The following NISCH variants were observed in gnomAD, a reference collection of about 807,000 sequenced individuals.
NISCH encodes nischarin.
In NISCH, 55 loss-of-function variants were observed where a neutral mutation model predicts 138.4. The observed-to-expected ratio is 0.40, with a 90% CI of 0.32 to 0.50. NISCH has a LOEUF of 0.50. Among genes scored for constraint, NISCH ranks in the 20% least tolerant of loss-of-function variants. The pLI is 0.71. For synonymous variants in NISCH, 860 were observed against 861.5 expected (o/e 1.00, Z 0.03); for missense variants, 1,643 against 2,005.5 (o/e 0.82, Z 3.45).
Position 52,488,595 on chromosome 3 carries a change from C to G in NISCH, c.3103C>G (p.Arg1035Gly). Residue 1035 changes from arginine (R) to glycine (G), a missense_variant, in exon 16 of 21, where the codon CGC becomes GGC. Arg to Gly is a moderately radical substitution (Grantham distance 125, BLOSUM62 -2). Coordinates refer to ENST00000345716, the MANE Select transcript of NISCH (RefSeq NM_007184.4). ...GSFADGQPAE[R>G]RASNDQRPQE... ...CTTTGCGGATGGCCAGCCTGCCGAG[C>G]GCAGGGCCAGGTGAGATCAAGCACA... The G allele has an allele frequency of 6.2e-7, 1 of 1,609,604 alleles. No individual in the cohort carries two copies. Among genetic ancestry groups the G allele is most frequent in the South Asian group, 1.1e-5 (1 of 90,742 alleles).
intron 14 of NISCH, 140 bp downstream of exon 14, chr3:52,484,777 G>A (rs2153231632): frequency 3.6e-6 from 3 of 843,726 alleles, no homozygotes; most frequent in Admixed American, 4.7e-5. Flanking sequence ...TTGTGCCACG[G>A]TCTTTCTCTT....
chr3:52,470,783 ATAG>A, intron 3 of NISCH, 73 bp from the exon 4 acceptor site: 1 of 1,180,476 alleles, frequency 8.5e-7, no homozygotes, highest in Non-Finnish European at 1.3e-6. Flanking sequence ...AACAGAGGGG[ATAG>A]ATAGCGGGGA....
chr3:52,456,162 C>T (rs557124247), intron 1 of NISCH, among the ~76,000 whole-genome samples: 3 of 152,168 alleles, frequency 2.0e-5, no homozygotes, highest in Non-Finnish European at 4.4e-5. Flanking sequence ...AAGGGTCAGG[C>T]TTCGCAGGCC....
At chr3:52,471,568 C>A (rs1366110226) in intron 4 of NISCH, 1 of 574,224 alleles carries the variant, frequency 1.7e-6, no homozygotes. Context: ...CCTCACTCCT[C>A]CCTCAGTGGC....
intron 3 of NISCH, among the ~76,000 whole-genome samples, chr3:52,468,835 C>T (rs1338502484): frequency 6.6e-6 from 1 of 151,496 alleles, no homozygotes; most frequent in Non-Finnish European, 1.5e-5. Context: ...TTTAAAGAAC[C>T]AAAAGAAAAT....
chr3:52,479,739 G>A lies in NISCH; in HGVS notation c.1303-10G>A. The A allele has an allele frequency of 6.2e-7, 1 of 1,602,430 alleles. No individual in the cohort carries two copies. The highest frequency in any genetic ancestry group is 8.5e-7 in the Non-Finnish European group (1 of 1,173,246). On this transcript the variant is annotated splice_polypyrimidine_tract_variant and intron_variant, in intron 11 of 20. Coordinates refer to ENST00000345716, the MANE Select transcript of NISCH (RefSeq NM_007184.4). ...TCCCCATGCTGATAGCCACTTTCTGGATGCTCTAGGTCTGTCTGGATGACA... is the reference window on the plus strand; with the variant it reads ...TCCCCATGCTGATAGCCACTTTCTGAATGCTCTAGGTCTGTCTGGATGACA...
At chr3:52,467,793 T>C (rs952068539) in intron 3 of NISCH, among the ~76,000 whole-genome samples, 2 of 152,260 alleles carry the variant, frequency 1.3e-5, no homozygotes, top group African/African-American at 4.8e-5. Flanking sequence ...GAAGGTGATT[T>C]CATTTTTCTT....
chr3:52,455,689 C>A lies in NISCH; in HGVS notation c.48C>A (p.Ala16=). 1 of 1,365,080 alleles carries A rather than the reference C, an allele frequency of 7.3e-7. No homozygotes were observed. The highest frequency in any genetic ancestry group is 2.1e-5 in the South Asian group (1 of 48,130). The allele number at this position is 1,365,080 out of a possible 1,614,324, so 84.6% of individuals were successfully genotyped here. ...TFGPEREAEP[A]KEARVVGSEL... ...GGCCCGAGCGGGAAGCCGAGCCGGC[C>A]AAGGAAGCGCGCGTCGTGGGCTCGG... Residue 16 remains alanine, a synonymous_variant, in exon 1 of 21, where the codon GCC becomes GCA. Transcript: ENST00000345716.
In NISCH at chr3:52,473,732, A is replaced by G; in HGVS notation, c.670-2A>G. The G allele has an allele frequency of 6.3e-7, 1 of 1,585,074 alleles. No homozygotes were observed. Among genetic ancestry groups the G allele is most frequent in the Non-Finnish European group, 8.6e-7 (1 of 1,156,814 alleles). On this transcript the variant is annotated splice_acceptor_variant, in intron 6 of 20. Transcript: ENST00000345716. LOFTEE classifies it high-confidence loss of function. The stretch of plus-strand genomic sequence containing the variant: ...CTGAGATGCAGCTGTTCTTTGTTCC[A>G]GATAAGTCACTGTGATGCTAAGCAC...
chr3:52,472,641 C>T (rs1026016752), intron 6 of NISCH, among the ~76,000 whole-genome samples: 3 of 152,220 alleles, frequency 2.0e-5, no homozygotes, highest in Non-Finnish European at 4.4e-5. Flanking sequence ...CAGGGTGGAG[C>T]ACCAGCACCT....
chr3:52,485,257 T>G (rs1707375224), intron 14 of NISCH, among the ~76,000 whole-genome samples: 1 of 152,204 alleles, frequency 6.6e-6, no homozygotes, highest in Admixed American at 6.5e-5. Flanking sequence ...CACAAGGTTA[T>G]GGCCTTGTGA....
intron 15 of NISCH, chr3:52,486,677 A>G (rs1707409681): frequency 6.5e-6 from 1 of 154,402 alleles, no homozygotes; most frequent in Non-Finnish European, 1.4e-5. Context: ...ATAAATCCCA[A>G]AATGTGTACT....
intron 3 of NISCH, among the ~76,000 whole-genome samples, chr3:52,465,381 C>T (rs1298076904): frequency 1.3e-5 from 2 of 152,174 alleles, no homozygotes; most frequent in Admixed American, 6.5e-5. Context: ...CCACCCACCT[C>T]GGCCTCCCAA....
intron 13 of NISCH, chr3:52,480,683 C>T: frequency 7.0e-7 from 1 of 1,422,230 alleles, no homozygotes; most frequent in Non-Finnish European, 9.1e-7. Flanking sequence ...ACTTTACTGT[C>T]TGGAGCCCGA....
In NISCH at chr3:52,481,954, T is replaced by C. The variant is rs190377938; in HGVS notation, c.1528+1659T>C. ...TCCTTTTGGTGAGAAACAGCAAAGA[T>C]CGGACCCCTAAGGACTCTCCTGATG... On this transcript the variant is annotated intron_variant, in intron 13 of 20. Coordinates refer to ENST00000345716, the MANE Select transcript of NISCH (RefSeq NM_007184.4). The C allele has an allele frequency of 2.6e-4, 260 of 982,258 alleles. No individual in the cohort carries two copies. In the African/African-American group the frequency reaches 4.0e-3, roughly 15 times the overall value. The allele number at this position is 982,258 out of a possible 1,614,324, so 60.8% of individuals were successfully genotyped here. A position where few individuals can be genotyped will look rare whatever the true frequency, so the allele number is the denominator to read the frequency against.
chr3:52,459,625 G>T (rs886141385), intron 3 of NISCH, among the ~76,000 whole-genome samples: 2 of 151,728 alleles, frequency 1.3e-5, no homozygotes, highest in Non-Finnish European at 2.9e-5. Context: ...GTAGAGATGG[G>T]GTTTCACCAT....
In NISCH at chr3:52,490,060, G is replaced by A. The variant is rs1046642944; in HGVS notation, c.3457-15G>A. ...GCTAGGGTGGTGGAGCTGACAGGAGGCCCCCCGTCTTCAGGTTGAAAACGA... is the reference window on the plus strand; with the variant it reads ...GCTAGGGTGGTGGAGCTGACAGGAGACCCCCCGTCTTCAGGTTGAAAACGA... On this transcript the variant is annotated splice_polypyrimidine_tract_variant and intron_variant, in intron 17 of 20. Coordinates refer to ENST00000345716, the MANE Select transcript of NISCH (RefSeq NM_007184.4). The A allele has an allele frequency of 1.2e-6, 2 of 1,613,082 alleles. No homozygotes were observed. The highest frequency in any genetic ancestry group is 1.3e-5 in the African/African-American group (1 of 75,020).
chr3:52,464,517 CTTTTT>C (rs71084185), intron 3 of NISCH, among the ~76,000 whole-genome samples: 12 of 75,818 alleles, frequency 1.6e-4, no homozygotes, highest in East Asian at 9.6e-4. Context: ...TGTGAGTTGT[CTTTTT>C]TTTTTTTTTT....
chr3:52,484,297 T>C, intron 13 of NISCH: 1 of 512,398 alleles, frequency 2.0e-6, no homozygotes, highest in Non-Finnish European at 3.5e-6. Context: ...TGCTTCTCCC[T>C]GCCCTGAGAT....
Sources: gnomAD v4.1 joint callset for allele counts (sites outside exome capture counted in the v4.1 genomes callset) on GRCh38, gnomAD v4.1.1 for gene constraint, MANE v1.5 for transcripts, NCBI Gene and HGNC (gene_info 2026-07-23, HGNC 2026-07-21) for gene names.